The following KLHL25 variants were observed in gnomAD, a reference collection of about 807,000 sequenced individuals.
KLHL25 encodes the protein kelch like family member 25, also known as kelch-like protein 25.
A neutral mutation model predicts 30.0 loss-of-function variants in KLHL25; 41 were observed. That is an observed-to-expected ratio of 1.37 (90% CI 1.07 to 1.78). The LOEUF is 1.78. KLHL25 is among the 40% of genes most tolerant of loss of function. The pLI is 0.00. For missense variants in KLHL25, 971 were observed against 824.5 expected (o/e 1.18, Z -2.18); for synonymous variants, 399 against 355.3 (o/e 1.12, Z -1.38).
At chr15:85,770,576 G>T (rs892403378) in intron 1 of KLHL25, 1 of 532,724 alleles carries the variant, frequency 1.9e-6, no homozygotes, top group Non-Finnish European at 3.9e-6. Context: ...TACCTAGCTG[G>T]GGCAAGTGAT....
intron 1 of KLHL25, among the ~76,000 whole-genome samples, chr15:85,784,547 TAAAA>T (rs58604665): frequency 7.1e-6 from 1 of 141,476 alleles, no homozygotes; most frequent in African/African-American, 2.6e-5. Context: ...AATAAAAAAA[TAAAA>T]AAAAAAGCAG....
At chr15:85,791,780 G>C (rs1808161259) in intron 1 of KLHL25, among the ~76,000 whole-genome samples, 1 of 152,178 alleles carries the variant, frequency 6.6e-6, no homozygotes, top group African/African-American at 2.4e-5. Context: ...CATTCTAGGG[G>C]ATTCTGCATA....
At chr15:85,771,534 A>G (rs2089674525) in intron 1 of KLHL25, among the ~76,000 whole-genome samples, 1 of 152,214 alleles carries the variant, frequency 6.6e-6, no homozygotes. Context: ...AGAAGCCACA[A>G]ACTGACGAGA....
At chr15:85,766,372 G>A (rs1000311141) in intron 2 of KLHL25, among the ~76,000 whole-genome samples, 3 of 152,220 alleles carry the variant, frequency 2.0e-5, no homozygotes, top group African/African-American at 7.2e-5. Flanking sequence ...CCAAGGGCTA[G>A]TGGCACGCAC....
chr15:85,770,289 A>G (rs1157265387), intron 1 of KLHL25, among the ~76,000 whole-genome samples: 1 of 152,200 alleles, frequency 6.6e-6, no homozygotes, highest in African/African-American at 2.4e-5. Context: ...GAGGCCAAGA[A>G]ACTACCCAAA....
rs1033950900 is a variant in KLHL25, at chr15:85,789,971, G to A, written c.-11+4795C>T. ...CGAGTCTTCAGGAAACTAGGAGCTT[G>A]CCTACGTCACCCCTCTCACTCTACA... On this transcript the variant is annotated intron_variant, in intron 1 of 2. Transcript: ENST00000337975. This position sits in a 1 kb window ranked among gnomAD's most constrained non-coding sequence, Gnocchi z 4.1. Among the ~76,000 whole-genome samples, 1 of 152,184 alleles carries A rather than the reference G, an allele frequency of 6.6e-6. No homozygotes were observed. Among genetic ancestry groups the A allele is most frequent in the Non-Finnish European group, 1.5e-5 (1 of 68,034 alleles).
At chr15:85,781,415 A>T (rs2089742324) in intron 1 of KLHL25, among the ~76,000 whole-genome samples, 1 of 152,036 alleles carries the variant, frequency 6.6e-6, no homozygotes, top group Admixed American at 6.6e-5. Context: ...GACCTTGTGG[A>T]CTCTCCACCA....
At chr15:85,785,251 G>A (rs1005227293) in intron 1 of KLHL25, among the ~76,000 whole-genome samples, 16 of 151,960 alleles carry the variant, frequency 1.1e-4, no homozygotes, top group East Asian at 5.8e-4. Context: ...CCACCACGAC[G>A]TCCGGCTAAT....
chr15:85,782,894 T>A (rs2430833), intron 1 of KLHL25, among the ~76,000 whole-genome samples: 3 of 151,852 alleles, frequency 2.0e-5, no homozygotes, highest in Admixed American at 6.6e-5. Context: ...CTCAAGGACA[T>A]TGTTCTGTGT....
chr15:85,766,668 C>T (rs1023087204), intron 2 of KLHL25, among the ~76,000 whole-genome samples: 2 of 152,104 alleles, frequency 1.3e-5, no homozygotes, highest in African/African-American at 2.4e-5. Flanking sequence ...CCCACCATCA[C>T]CTCCCACAGA....
At chr15:85,774,881 T>TC (rs2089699853) in intron 1 of KLHL25, among the ~76,000 whole-genome samples, 1 of 39,176 alleles carries the variant, frequency 2.6e-5, no homozygotes, top group Non-Finnish European at 1.1e-4. Context: ...TTTTCTTTTC[T>TC]TTTTTTTTTT....
At chr15:85,763,075 A>G (rs2089594205) in intron 2 of KLHL25, 1 of 152,288 alleles carries the variant, frequency 6.6e-6, no homozygotes, top group African/African-American at 2.4e-5. Flanking sequence ...TCTGCGCCTT[A>G]AAGGGCCTGG....
At chr15:85,786,080 C>G (rs1363083886) in intron 1 of KLHL25, among the ~76,000 whole-genome samples, 1 of 149,062 alleles carries the variant, frequency 6.7e-6, no homozygotes, top group Non-Finnish European at 1.5e-5. Context: ...AACGCAAAAA[C>G]TGCTTTCAGC....
At chr15:85,773,031 G>T (rs767789954) in intron 1 of KLHL25, among the ~76,000 whole-genome samples, 4 of 152,254 alleles carry the variant, frequency 2.6e-5, no homozygotes, top group African/African-American at 9.6e-5. Context: ...CTCACTCACC[G>T]ACTCAGCCTG....
At position 85,768,496 on chromosome 15, in the gene KLHL25, C is replaced by G; in HGVS notation, c.1315G>C (p.Val439Leu). 1 of 1,613,792 alleles carries G rather than the reference C, an allele frequency of 6.2e-7. No homozygotes were observed. Among genetic ancestry groups the G allele is most frequent in the Non-Finnish European group, 8.5e-7 (1 of 1,180,022 alleles). ...AAGAGCTTCAGCTTGGCACTCACCA[C>G]TGCGGCATTGCTGACGCCATCCCGC... ...PLRDGVSNAA[V>L]VSAKLKLFVF... The change falls in exon 2 of 3, where the codon GTG becomes CTG. Residue 439 changes from valine (V) to leucine (L), a missense_variant. Physicochemically the swap from Val to Leu is conservative, Grantham distance 32 (BLOSUM62 1). Transcript: ENST00000337975.
At chr15:85,782,722 A>G (rs1391808946) in intron 1 of KLHL25, among the ~76,000 whole-genome samples, 1 of 152,230 alleles carries the variant, frequency 6.6e-6, no homozygotes, top group Non-Finnish European at 1.5e-5. Context: ...CACACAGGGC[A>G]TATGGCATGC....
intron 1 of KLHL25, among the ~76,000 whole-genome samples, chr15:85,781,896 C>G (rs1215440082): frequency 6.6e-6 from 1 of 152,126 alleles, no homozygotes; most frequent in Non-Finnish European, 1.5e-5. Context: ...CCCGTTTGTA[C>G]TGTGATGCAC....
intron 2 of KLHL25, among the ~76,000 whole-genome samples, chr15:85,765,639 G>A (rs187272692): frequency 5.6e-5 from 5 of 89,392 alleles, no homozygotes; most frequent in Admixed American, 1.2e-4. Context: ...AAAAAAAGAA[G>A]AAGAAGAAGA....
At chr15:85,781,406 A>C (rs2089742231) in intron 1 of KLHL25, among the ~76,000 whole-genome samples, 2 of 152,212 alleles carry the variant, frequency 1.3e-5, no homozygotes, top group Non-Finnish European at 2.9e-5. Context: ...AATAGTTTTG[A>C]CCTTGTGGAC....
Sources: allele counts gnomAD v4.1 joint callset (sites outside exome capture counted in the v4.1 genomes callset), GRCh38; gene constraint gnomAD v4.1.1; non-coding constraint Gnocchi (gnomAD v3.1); transcripts MANE v1.5; gene names NCBI Gene and HGNC (gene_info 2026-07-23, HGNC 2026-07-21).